Variants in RHPN2 observed in about 807,000 individuals in gnomAD.
The protein encoded by RHPN2 is rhophilin-2.
In RHPN2, 40 loss-of-function variants were observed where a neutral mutation model predicts 79.0. The observed-to-expected ratio is 0.51, with a 90% confidence interval of 0.39 to 0.66. RHPN2 has a LOEUF of 0.66. Among genes scored for constraint, RHPN2 ranks in the 30% least tolerant of loss-of-function variants. The pLI, the probability that RHPN2 is intolerant of heterozygous loss-of-function variation, is 0.00. For synonymous variants in RHPN2, 285 were observed against 363.5 expected (o/e 0.78, Z 2.46); for missense variants, 686 against 883.5 (o/e 0.78, Z 2.83).
chr19:33,037,789 A>T (rs1972070327), intron 2 of RHPN2, among the ~76,000 whole-genome samples: 1 of 152,214 alleles, frequency 6.6e-6, no homozygotes, highest in Non-Finnish European at 1.5e-5. Context: ...TAAGCACTGT[A>T]ACACCGCGAG....
intron 1 of RHPN2, 55 bp from the exon 2 acceptor site, chr19:33,044,419 C>A: frequency 9.0e-7 from 1 of 1,115,460 alleles, no homozygotes; most frequent in Non-Finnish European, 1.4e-6. Context: ...AAAATGATGA[C>A]AGGGTTTAAT....
chr19:33,044,355 G>T lies in RHPN2; in HGVS notation c.79C>A (p.Pro27Thr). Reference protein sequence around the residue: ...NDGYFRKGCNPLAQTGRSKLQ... With the variant: ...NDGYFRKGCNTLAQTGRSKLQ... ...TTACTCCGGCCGGTTTGTGCAAGGG[G>T]ATTACAGCCCTGAGGAAAAATAAGA... The change falls in exon 2 of 15, where the codon CCC (proline) becomes ACC (threonine). Residue 27 changes from proline to threonine, a missense_variant. Coordinates refer to ENST00000254260, the MANE Select transcript of RHPN2 (RefSeq NM_033103.5). 3 of 1,613,706 alleles carry T rather than the reference G, an allele frequency of 1.9e-6. No individual in the cohort carries two copies. Among genetic ancestry groups the T allele is most frequent in the Non-Finnish European group, 2.5e-6 (3 of 1,179,686 alleles).
chr19:33,048,827 C>T (rs929638727), intron 1 of RHPN2, among the ~76,000 whole-genome samples: 8 of 151,030 alleles, frequency 5.3e-5, no homozygotes, highest in South Asian at 2.1e-4. Flanking sequence ...CCAAAAATGA[C>T]GACGATTCAG....
intron 2 of RHPN2, among the ~76,000 whole-genome samples, chr19:33,038,816 C>T (rs907621203): frequency 2.6e-5 from 4 of 152,152 alleles, no homozygotes; most frequent in African/African-American, 4.8e-5. Context: ...TGCCACCACG[C>T]GTGGCTAATT....
At chr19:33,049,905 C>T (rs915727023) in intron 1 of RHPN2, among the ~76,000 whole-genome samples, 4 of 152,126 alleles carry the variant, frequency 2.6e-5, no homozygotes, top group African/African-American at 9.7e-5. Flanking sequence ...GGTAGGAATG[C>T]ATGCAACCCC....
chr19:33,064,820 C>A lies in RHPN2; in HGVS notation c.33G>T (p.Gln11His). The A allele has an allele frequency of 6.6e-7, 1 of 1,512,682 alleles. No individual in the cohort carries two copies. Among genetic ancestry groups the A allele is most frequent in the African/African-American group, 1.4e-5 (1 of 69,548 alleles). 93.7% of individuals were successfully genotyped at this position (1,512,682 alleles called of 1,614,324 possible). MTDALLPAAPQPLEKENDGYF... is the reference protein window; with the variant it reads MTDALLPAAPHPLEKENDGYF... ...AGCCGTCGTTCTCCTTCTCCAGCGG[C>A]TGGGGGGCCGCGGGCAACAGCGCGT... The change falls in exon 1 of 15, where the codon CAG becomes CAT. Residue 11 changes from glutamine (Q) to histidine (H), a missense_variant. Gln to His is a conservative substitution (Grantham distance 24). Transcript: ENST00000254260.
intron 2 of RHPN2, among the ~76,000 whole-genome samples, chr19:33,032,012 C>T (rs993548334): frequency 3.0e-5 from 4 of 131,192 alleles, no homozygotes; most frequent in East Asian, 4.7e-4. Flanking sequence ...GCCACCGGGC[C>T]GGTCTTTTTT....
chr19:33,014,366 T>G lies in RHPN2; in HGVS notation c.391-1642A>C, dbSNP rs146925138. ...TGTCGTCCAGGGTGGAGTGCAATGG[T>G]GCAATCATAGCTCACTGCAGCCTTG... On this transcript the variant is annotated intron_variant, in intron 4 of 14. Transcript: ENST00000254260. Among the ~76,000 whole-genome samples the G allele has an allele frequency of 3.4e-3, 516 of 152,216 alleles. 3 individuals carry two copies. The highest frequency in any genetic ancestry group is 0.021 in the South Asian group (102 of 4,822).
chr19:33,036,769 G>T (rs1568322654), intron 2 of RHPN2, among the ~76,000 whole-genome samples: 1 of 152,190 alleles, frequency 6.6e-6, no homozygotes, highest in Admixed American at 6.5e-5. Context: ...GCAGTGAGGG[G>T]CTTAGCACCT....
At chr19:33,034,667 G>A (rs1972042188) in intron 2 of RHPN2, among the ~76,000 whole-genome samples, 1 of 148,206 alleles carries the variant, frequency 6.7e-6, no homozygotes, top group African/African-American at 2.5e-5. Flanking sequence ...TGTAGTCCCA[G>A]CTACTCAGGA....
chr19:32,993,166 A>G (rs1683659905), intron 12 of RHPN2, among the ~76,000 whole-genome samples: 1 of 151,802 alleles, frequency 6.6e-6, no homozygotes, highest in Non-Finnish European at 1.5e-5. Context: ...GACAATACCT[A>G]AAAACTACCT....
chr19:33,057,930 C>T (rs186239315), intron 1 of RHPN2, among the ~76,000 whole-genome samples: 11 of 152,012 alleles, frequency 7.2e-5, no homozygotes, highest in Non-Finnish European at 1.0e-4. Context: ...GAGGCCAAGG[C>T]GGGCAAATCA....
At chr19:33,014,997 G>A (rs1438837616) in intron 4 of RHPN2, among the ~76,000 whole-genome samples, 1 of 152,076 alleles carries the variant, frequency 6.6e-6, no homozygotes, top group Non-Finnish European at 1.5e-5. Context: ...GGTTGAGGCT[G>A]CAGTGAGCCA....
At position 32,991,824 on chromosome 19, in the gene RHPN2, G is replaced by A. The variant is rs370334049; in HGVS notation, c.1643C>T (p.Ser548Leu). Residue 548 changes from serine (S) to leucine (L), a missense_variant and splice_region_variant, in exon 13 of 15, where the codon TCG (serine) becomes TTG (leucine). By Grantham distance (145) the Ser-to-Leu change is moderately radical (BLOSUM62 -2). Transcript: ENST00000254260. ...VHFLDPYCSA[S>L]VAGAREGDYI... ...CAATCAAGAAAAGCATGTGCTTACC[G>A]AGGCAGAGCAGTAAGGATCCAGGAA... 5.6e-6 allele frequency: 9 copies of A among 1,613,808 alleles called. No homozygotes were observed. Among genetic ancestry groups the A allele is most frequent in the Admixed American group, 3.3e-5 (2 of 59,970 alleles).
At chr19:33,030,112 T>C (rs979847019) in intron 2 of RHPN2, among the ~76,000 whole-genome samples, 20 of 152,142 alleles carry the variant, frequency 1.3e-4, no homozygotes, top group African/African-American at 4.8e-4. Context: ...CTGGGAATGG[T>C]GAGAACACTC....
At chr19:33,008,322 G>A (rs1971810350) in intron 6 of RHPN2, 142 bp from the exon 7 acceptor site, 2 of 783,202 alleles carry the variant, frequency 2.6e-6, no homozygotes, top group African/African-American at 1.8e-5. Context: ...TGTGATCATA[G>A]CTTACTGCAG....
At chr19:32,989,546 A>G (rs1185564897) in intron 14 of RHPN2, among the ~76,000 whole-genome samples, 2 of 152,224 alleles carry the variant, frequency 1.3e-5, no homozygotes, top group African/African-American at 2.4e-5. Context: ...AGGTTGTCTT[A>G]AGCACTTCTG....
intron 7 of RHPN2, among the ~76,000 whole-genome samples, chr19:33,004,169 G>C (rs1440907291): frequency 6.6e-6 from 1 of 152,074 alleles, no homozygotes; most frequent in African/African-American, 2.4e-5. Flanking sequence ...CTCCTGAAGA[G>C]CTGGGACTAC....
At chr19:33,041,723 C>G (rs917666702) in intron 2 of RHPN2, among the ~76,000 whole-genome samples, 17 of 152,202 alleles carry the variant, frequency 1.1e-4, no homozygotes, top group African/African-American at 4.1e-4. Context: ...CCTGGGCCAA[C>G]CTCTATGATA....
Sources: allele counts gnomAD v4.1 joint callset (sites outside exome capture counted in the v4.1 genomes callset), GRCh38; gene constraint gnomAD v4.1.1; transcripts MANE v1.5; gene names NCBI Gene and HGNC (gene_info 2026-07-23, HGNC 2026-07-21).